Variants in NIPBL observed in about 807,000 individuals in gnomAD.
The protein encoded by NIPBL is NIPBL cohesin loading factor, also known as nipped-B-like protein.
Under a neutral mutation model 321.8 loss-of-function variants are expected in NIPBL, and 19 were observed. The observed-to-expected ratio is 0.06, with a 90% CI of 0.04 to 0.09. The LOEUF (loss-of-function observed/expected upper bound fraction) is 0.09. NIPBL is among the 10% of genes least tolerant of loss of function. NIPBL has a pLI of 1.00. For synonymous variants in NIPBL, 1,106 were observed against 1,114.1 expected, an observed-to-expected ratio of 0.99 and a Z score of 0.14; for missense variants, 2,210 against 3,327.0, an observed-to-expected ratio of 0.66 and a Z score of 8.26.
At chr5:36,890,168 A>G (rs1400762362) in intron 1 of NIPBL, among the ~76,000 whole-genome samples, 1 of 152,114 alleles carries the variant, frequency 6.6e-6, no homozygotes, top group East Asian at 1.9e-4. Context: ...ACCATAATTT[A>G]TTCATTCTAT....
chr5:36,905,632 G>T (rs1747571039), intron 1 of NIPBL, among the ~76,000 whole-genome samples: 2 of 152,016 alleles, frequency 1.3e-5, no homozygotes, highest in African/African-American at 2.4e-5. Context: ...TTATTTATTG[G>T]TTTAATTTAT....
chr5:37,016,227 G>A, intron 23 of NIPBL, 57 bp downstream of exon 23: 2 of 1,524,316 alleles, frequency 1.3e-6, no homozygotes, highest in Non-Finnish European at 1.8e-6. Context: ...TAATGAGGAT[G>A]TACTCTGATT....
intron 3 of NIPBL, among the ~76,000 whole-genome samples, chr5:36,956,434 T>C (rs555606305): frequency 1.3e-5 from 2 of 152,030 alleles, no homozygotes; most frequent in Admixed American, 6.6e-5. Context: ...AATGGAGAGA[T>C]ATCTACATTA....
intron 1 of NIPBL, among the ~76,000 whole-genome samples, chr5:36,923,076 C>G (rs776110758): frequency 6.6e-6 from 1 of 152,048 alleles, no homozygotes; most frequent in South Asian, 2.1e-4. Context: ...ATCACGAGGT[C>G]AAGAGATCAA....
At chr5:37,035,405 G>T (rs1751573967) in intron 32 of NIPBL, among the ~76,000 whole-genome samples, 1 of 152,216 alleles carries the variant, frequency 6.6e-6, no homozygotes, top group Non-Finnish European at 1.5e-5. Context: ...CAAATTGGAG[G>T]AAAAGGGGCA....
At chr5:36,946,728 A>AT (rs1321268914) in intron 1 of NIPBL, among the ~76,000 whole-genome samples, 3 of 152,118 alleles carry the variant, frequency 2.0e-5, no homozygotes, top group African/African-American at 7.2e-5. Context: ...TAATGTTATA[A>AT]TCACACAAGG....
intron 3 of NIPBL, among the ~76,000 whole-genome samples, chr5:36,956,780 A>G (rs1741014806): frequency 6.6e-6 from 1 of 151,582 alleles, no homozygotes; most frequent in Admixed American, 6.6e-5. Flanking sequence ...CCCCACCACC[A>G]TGCCTGGCTA....
intron 1 of NIPBL, among the ~76,000 whole-genome samples, chr5:36,918,154 G>A (rs1748619978): frequency 6.6e-6 from 1 of 152,160 alleles, no homozygotes; most frequent in Non-Finnish European, 1.5e-5. Context: ...TCCTACCCAT[G>A]AGCATGGAAT....
intron 31 of NIPBL, 141 bp from the exon 32 acceptor site, chr5:37,027,218 T>C (rs1750383364): frequency 1.5e-6 from 1 of 676,684 alleles, no homozygotes; most frequent in Non-Finnish European, 2.7e-6. Context: ...ATGGTTGTGT[T>C]ACTGAAAAAA....
chr5:36,937,306 C>T (rs1161961658), intron 1 of NIPBL, among the ~76,000 whole-genome samples: 1 of 152,186 alleles, frequency 6.6e-6, no homozygotes, highest in East Asian at 1.9e-4. Context: ...ACATGTACTT[C>T]TGCTCTTAAT....
At chr5:36,941,633 G>A (rs1488670426) in intron 1 of NIPBL, among the ~76,000 whole-genome samples, 1 of 151,848 alleles carries the variant, frequency 6.6e-6, no homozygotes, top group African/African-American at 2.4e-5. Context: ...ATAACACATG[G>A]TCATTTGATT....
intron 1 of NIPBL, among the ~76,000 whole-genome samples, chr5:36,878,018 G>T (rs1188935550): frequency 3.3e-5 from 5 of 152,200 alleles, no homozygotes; most frequent in Non-Finnish European, 7.3e-5. Context: ...GCAGTTTTAA[G>T]CGACTATACG....
intron 45 of NIPBL, among the ~76,000 whole-genome samples, chr5:37,062,802 C>T (rs1371946262): frequency 6.6e-6 from 1 of 152,010 alleles, no homozygotes; most frequent in African/African-American, 2.4e-5. Context: ...CACCTGTAGT[C>T]CCAACTGCTG....
intron 4 of NIPBL, among the ~76,000 whole-genome samples, chr5:36,959,970 C>T (rs1358343070): frequency 2.6e-5 from 4 of 151,906 alleles, no homozygotes; most frequent in South Asian, 2.1e-4. Context: ...TGGTGGCTCA[C>T]GCCTGTAATC....
At chr5:36,942,054 T>TA (rs1739117999) in intron 1 of NIPBL, among the ~76,000 whole-genome samples, 1 of 152,192 alleles carries the variant, frequency 6.6e-6, no homozygotes, top group Non-Finnish European at 1.5e-5. Flanking sequence ...TCTTTTTCTG[T>TA]AAATCGAACT....
intron 44 of NIPBL, 21 bp from the exon 45 acceptor site, chr5:37,060,823 G>T: frequency 1.2e-6 from 2 of 1,605,088 alleles, no homozygotes; most frequent in South Asian, 1.1e-5. Flanking sequence ...TAAAGTTTTT[G>T]GTTTTGTTTT....
intron 8 of NIPBL, among the ~76,000 whole-genome samples, chr5:36,975,225 G>C (rs1173767304): frequency 6.6e-6 from 1 of 152,046 alleles, no homozygotes; most frequent in East Asian, 1.9e-4. Flanking sequence ...TTTACCACCA[G>C]TTTTTGAAGT....
chr5:36,898,007 A>G (rs921806741), intron 1 of NIPBL, among the ~76,000 whole-genome samples: 24 of 152,146 alleles, frequency 1.6e-4, no homozygotes, highest in African/African-American at 5.5e-4. Flanking sequence ...GGAACAAAAG[A>G]GGAAAAAATA....
At chr5:36,912,835 T>C (rs900884840) in intron 1 of NIPBL, among the ~76,000 whole-genome samples, 1 of 152,114 alleles carries the variant, frequency 6.6e-6, no homozygotes, top group African/African-American at 2.4e-5. Context: ...TTCACTGTTT[T>C]CTCTGGTGTT....
Sources: allele counts gnomAD v4.1 joint callset (sites outside exome capture counted in the v4.1 genomes callset), GRCh38; gene constraint gnomAD v4.1.1; transcripts MANE v1.5; gene names NCBI Gene and HGNC (gene_info 2026-07-23, HGNC 2026-07-21).